Variants in DOK5 observed in about 807,000 individuals in gnomAD.
DOK5 encodes downstream of tyrosine kinase 5.
DOK5 carries 27 observed loss-of-function variants against 43.3 expected under a neutral mutation model. The observed-to-expected ratio is 0.62, with a 90% CI of 0.46 to 0.86. The LOEUF is 0.86. DOK5 is among the 40% of genes least tolerant of loss of function. DOK5 has a pLI of 0.00. For missense variants in DOK5, 373 were observed against 392.9 expected, an observed-to-expected ratio of 0.95 and a Z score of 0.43; for synonymous variants, 146 against 140.1, an observed-to-expected ratio of 1.04 and a Z score of -0.30.
At chr20:54,624,979 G>T (rs571813594) in intron 6 of DOK5, among the ~76,000 whole-genome samples, 4 of 152,050 alleles carry the variant, frequency 2.6e-5, no homozygotes, top group Non-Finnish European at 4.4e-5. Context: ...TAGCAGGAAA[G>T]CGGTCTTTCT....
In DOK5 at chr20:54,642,562, A is replaced by AAG. The variant is rs796888985; in HGVS notation, c.736-895_736-894insGA. On this transcript the variant is annotated intron_variant, in intron 6 of 7. Transcript: ENST00000262593. ...CTACTAAAAATACAAAAAAAAAAAA[A>AAG]AAAAAAGAAAAATTAGCCGGGCGTG... 8.2e-3 allele frequency among the ~76,000 whole-genome samples: 1,223 copies of AAG among 149,350 alleles called. 33 individuals carry two copies. The highest frequency in any genetic ancestry group is 0.03 in the African/African-American group (1,180 of 39,976).
intron 5 of DOK5, among the ~76,000 whole-genome samples, chr20:54,595,341 A>G (rs1315432672): frequency 1.3e-5 from 2 of 152,146 alleles, no homozygotes; most frequent in Non-Finnish European, 2.9e-5. Context: ...CTCCATTTAA[A>G]AAAAAAAAGT....
At chr20:54,499,141 T>G (rs1982503227) in intron 1 of DOK5, among the ~76,000 whole-genome samples, 1 of 152,240 alleles carries the variant, frequency 6.6e-6, no homozygotes, top group Non-Finnish European at 1.5e-5. Flanking sequence ...GAATGTTTAA[T>G]TAATTCTTAA....
rs550202173 is a variant in DOK5 at position 54,566,981 on chromosome 20, T to C, written c.174+11941T>C. On this transcript the variant is annotated intron_variant, in intron 2 of 7. Coordinates refer to ENST00000262593, the MANE Select transcript of DOK5 (RefSeq NM_018431.5). ...ATGTTGAACATGCTTCTGTATATCT[T>C]CTATGAAATGTCTCTTTATGTATTT... Among the ~76,000 whole-genome samples the C allele has an allele frequency of 7.9e-4, 120 of 152,324 alleles. 1 individual carries two copies. Among genetic ancestry groups the C allele is most frequent in the Admixed American group, 2.7e-3 (42 of 15,302 alleles).
At chr20:54,587,153 G>C (rs555049861) in intron 2 of DOK5, among the ~76,000 whole-genome samples, 183 of 152,300 alleles carry the variant, frequency 1.2e-3, no homozygotes, top group Middle Eastern at 3.4e-3. Flanking sequence ...ATCAACAGTT[G>C]TATCTGGTGA....
chr20:54,578,286 G>A (rs1985519452), intron 2 of DOK5, among the ~76,000 whole-genome samples: 1 of 151,978 alleles, frequency 6.6e-6, no homozygotes, highest in Non-Finnish European at 1.5e-5. Context: ...ATTTTTTTGA[G>A]AAAATCAAGT....
chr20:54,523,810 T>G (rs1600679342), intron 1 of DOK5, among the ~76,000 whole-genome samples: 1 of 151,888 alleles, frequency 6.6e-6, no homozygotes, highest in Admixed American at 6.6e-5. Flanking sequence ...ACCATGTTGG[T>G]CAGGCTGGTC....
chr20:54,490,436 T>C (rs974049320), intron 1 of DOK5, among the ~76,000 whole-genome samples: 1 of 152,080 alleles, frequency 6.6e-6, no homozygotes, highest in African/African-American at 2.4e-5. Flanking sequence ...GTCAATCTTA[T>C]AAAATGCTTC....
chr20:54,563,673 T>G (rs1264619220), intron 2 of DOK5, among the ~76,000 whole-genome samples: 1 of 150,828 alleles, frequency 6.6e-6, no homozygotes, highest in Non-Finnish European at 1.5e-5. Context: ...GGTTTTTTTT[T>G]TTTTTTTTTT....
intron 6 of DOK5, among the ~76,000 whole-genome samples, chr20:54,619,802 A>G (rs932476317): frequency 3.3e-5 from 5 of 152,224 alleles, no homozygotes; most frequent in African/African-American, 1.2e-4. Flanking sequence ...ATTTATATTC[A>G]ATCTAATTTT....
intron 1 of DOK5, among the ~76,000 whole-genome samples, chr20:54,539,460 T>G (rs1984074786): frequency 3.9e-5 from 6 of 152,146 alleles, no homozygotes; most frequent in Admixed American, 3.9e-4. Flanking sequence ...ACTATAGTTT[T>G]GGGGCATGTT....
chr20:54,632,452 T>G (rs903652878), intron 6 of DOK5, among the ~76,000 whole-genome samples: 17 of 152,254 alleles, frequency 1.1e-4, no homozygotes, highest in Non-Finnish European at 1.9e-4. Flanking sequence ...GATATAGAGC[T>G]AATTCTAAAT....
chr20:54,559,104 G>A (rs1049912025), intron 2 of DOK5, among the ~76,000 whole-genome samples: 1 of 152,228 alleles, frequency 6.6e-6, no homozygotes, highest in Non-Finnish European at 1.5e-5. Flanking sequence ...TATAGTTTCT[G>A]ACCTTGTTAA....
At chr20:54,633,684 C>T (rs888598070) in intron 6 of DOK5, among the ~76,000 whole-genome samples, 1 of 152,116 alleles carries the variant, frequency 6.6e-6, no homozygotes, top group African/African-American at 2.4e-5. Context: ...TTTGCATATG[C>T]AGAGTTGTTA....
At chr20:54,539,350 A>G (rs748725869) in intron 1 of DOK5, among the ~76,000 whole-genome samples, 22 of 151,230 alleles carry the variant, frequency 1.5e-4, no homozygotes, top group Non-Finnish European at 1.5e-5. Context: ...AAGGCAGGCA[A>G]GGAAGTAGTT....
chr20:54,528,080 C>T (rs1000799903), intron 1 of DOK5, among the ~76,000 whole-genome samples: 1 of 151,994 alleles, frequency 6.6e-6, no homozygotes, highest in Non-Finnish European at 1.5e-5. Context: ...TGATGGTAGG[C>T]GCCTGTAATC....
intron 6 of DOK5, among the ~76,000 whole-genome samples, chr20:54,635,943 T>G (rs945793678): frequency 6.6e-6 from 1 of 152,188 alleles, no homozygotes; most frequent in African/African-American, 2.4e-5. Context: ...ATTTACTTCT[T>G]ATAGTTCTAG....
chr20:54,525,909 A>G (rs1983556421), intron 1 of DOK5, among the ~76,000 whole-genome samples: 1 of 152,200 alleles, frequency 6.6e-6, no homozygotes, highest in Non-Finnish European at 1.5e-5. Context: ...TTGCCTACAG[A>G]TTCGGGGCCA....
chr20:54,489,474 A>T (rs1982077895), intron 1 of DOK5, among the ~76,000 whole-genome samples: 1 of 152,038 alleles, frequency 6.6e-6, no homozygotes, highest in African/African-American at 2.4e-5. Context: ...TAGTCTTCTG[A>T]GCCATGGATT....
Sources: gnomAD v4.1 joint callset for allele counts (sites outside exome capture counted in the v4.1 genomes callset) on GRCh38, gnomAD v4.1.1 for gene constraint, MANE v1.5 for transcripts, NCBI Gene and HGNC (gene_info 2026-07-23, HGNC 2026-07-21) for gene names.